The following CLECL1 variants were observed in gnomAD, a reference collection of about 807,000 sequenced individuals.
CLECL1 encodes C-type lectin-like domain family 1.
At chr12:9,712,740 A>G (rs912864657), downstream of CLECL1, among the ~76,000 whole-genome samples, 1 of 152,182 alleles carries the variant, frequency 6.6e-6, no homozygotes, top group Non-Finnish European at 1.5e-5. Flanking sequence ...CTAGGCTTCC[A>G]AGAGTTTTAA....
chr12:9,705,255 G>A, the CLECL1 span, among the ~76,000 whole-genome samples: 1 of 151,072 alleles, frequency 6.6e-6, no homozygotes, highest in Non-Finnish European at 1.5e-5. Context: ...TTTTAATGAG[G>A]TCTTTTTTTT....
At chr12:9,706,921 G>A in the CLECL1 span, among the ~76,000 whole-genome samples, 6 of 152,156 alleles carry the variant, frequency 3.9e-5, no homozygotes, top group South Asian at 2.1e-4. Context: ...GTTTCAGTAG[G>A]AATGGTACCA....
At chr12:9,710,098 G>A in the CLECL1 span, among the ~76,000 whole-genome samples, 1 of 152,202 alleles carries the variant, frequency 6.6e-6, no homozygotes, top group African/African-American at 2.4e-5. Context: ...TCAACAGAGT[G>A]AAACAACTTG....
the CLECL1 span, among the ~76,000 whole-genome samples, chr12:9,710,529 G>A: frequency 3.3e-5 from 5 of 152,262 alleles, no homozygotes; most frequent in East Asian, 1.9e-4. Context: ...CCACACTCAC[G>A]GACCTAACTG....
upstream of CLECL1, among the ~76,000 whole-genome samples, chr12:9,734,198 A>G (rs1866488691): frequency 6.6e-6 from 1 of 152,234 alleles, no homozygotes; most frequent in South Asian, 2.1e-4. Flanking sequence ...CCCTCATCCA[A>G]GAAATTTAAC....
chr12:9,731,366 T>C (rs1244672004), intron 1 of CLECL1, among the ~76,000 whole-genome samples: 1 of 152,186 alleles, frequency 6.6e-6, no homozygotes, highest in African/African-American at 2.4e-5. Context: ...ACACAAAGAT[T>C]AATAGATTAT....
intron 3 of CLECL1, among the ~76,000 whole-genome samples, chr12:9,724,287 A>G (rs1866350851): frequency 6.6e-6 from 1 of 152,180 alleles, no homozygotes; most frequent in Admixed American, 6.5e-5. Flanking sequence ...TCTCCATATA[A>G]CTTTCACAAT....
At chr12:9,725,295 A>G (rs1290582024) in intron 3 of CLECL1, among the ~76,000 whole-genome samples, 1 of 152,162 alleles carries the variant, frequency 6.6e-6, no homozygotes, top group Non-Finnish European at 1.5e-5. Context: ...ATCTTCAAAA[A>G]ACATTTGGTC....
At chr12:9,728,173 T>C (rs921904588) in intron 2 of CLECL1, among the ~76,000 whole-genome samples, 7 of 151,874 alleles carry the variant, frequency 4.6e-5, no homozygotes, top group Admixed American at 2.6e-4. Context: ...ATATTTGTCT[T>C]TCTGCTGGCC....
chr12:9,721,806 G>A (rs934699358), downstream of CLECL1, among the ~76,000 whole-genome samples: 3 of 152,086 alleles, frequency 2.0e-5, no homozygotes, highest in Admixed American at 1.3e-4. Flanking sequence ...CCTTGATTTG[G>A]CTCATAGTTT....
downstream of CLECL1, chr12:9,722,462 A>C (rs1866324655): frequency 1.7e-6 from 2 of 1,167,146 alleles, no homozygotes; most frequent in Non-Finnish European, 2.2e-6. Flanking sequence ...CCCTCCTCCT[A>C]GCCGGAAAAA....
chr12:9,727,323 A>G (rs1866391799), intron 3 of CLECL1, among the ~76,000 whole-genome samples: 1 of 151,894 alleles, frequency 6.6e-6, no homozygotes, highest in Non-Finnish European at 1.5e-5. Flanking sequence ...CAATTATTTC[A>G]ATGAAATACT....
chr12:9,715,878 T>C (rs1231865171), exon 3 of CLECL1: 2 of 152,372 alleles, frequency 1.3e-5, no homozygotes, highest in African/African-American at 4.8e-5. Context: ...TCACACTGGG[T>C]CCGGTTCCTG....
chr12:9,732,960 A>T, exon 1 of CLECL1: 1 of 1,602,488 alleles, frequency 6.2e-7, no homozygotes, highest in Non-Finnish European at 8.5e-7. Flanking sequence ...AGATCTCTGA[A>T]GTGGAAACGC....
chr12:9,722,479 A>AAC, downstream of CLECL1: 1 of 1,326,576 alleles, frequency 7.5e-7, no homozygotes, highest in Non-Finnish European at 9.7e-7. Context: ...AAAAAAAAAA[A>AAC]CCTCAAAGGT....
upstream of CLECL1, among the ~76,000 whole-genome samples, chr12:9,733,998 T>C (rs1866486042): frequency 6.6e-6 from 1 of 152,118 alleles, no homozygotes; most frequent in Non-Finnish European, 1.5e-5. Context: ...AGGGAAATAA[T>C]GGAGGAGAGC....
At chr12:9,725,042 A>T (rs1203649488) in intron 3 of CLECL1, among the ~76,000 whole-genome samples, 3 of 152,146 alleles carry the variant, frequency 2.0e-5, no homozygotes, top group African/African-American at 7.2e-5. Flanking sequence ...CAAAGGAAAA[A>T]GTAACTGTCA....
chr12:9,718,909 GC>G (rs1866271542), downstream of CLECL1: 4 of 581,700 alleles, frequency 6.9e-6, no homozygotes, highest in Non-Finnish European at 1.2e-5. Context: ...TATTGAAACA[GC>G]CCTAGCATAT....
At chr12:9,722,727 T>C (rs118152239) in exon 4 of CLECL1, 17,113 of 1,613,886 alleles carry the variant, frequency 0.011, 113 homozygotes, top group Non-Finnish European at 0.012. Context: ...GATTTCTTAG[T>C]TTCAGCAATC....
Sources: allele counts gnomAD v4.1 joint callset (sites outside exome capture counted in the v4.1 genomes callset), GRCh38; gene constraint gnomAD v4.1.1; transcripts MANE v1.5; gene names NCBI Gene and HGNC (gene_info 2026-07-23, HGNC 2026-07-21).